Variants in AGTPBP1 observed in about 807,000 individuals in gnomAD.
AGTPBP1 encodes cytosolic carboxypeptidase 1.
A neutral mutation model predicts 143.9 loss-of-function variants in AGTPBP1; 70 were observed. The observed-to-expected ratio is 0.49, with a 90% CI of 0.40 to 0.59. The LOEUF (loss-of-function observed/expected upper bound fraction) is 0.59. Ranked by LOEUF, AGTPBP1 falls within the 20% of genes least tolerant of loss-of-function variation. AGTPBP1 has a pLI of 0.00. For synonymous variants in AGTPBP1, 463 were observed against 500.2 expected, an observed-to-expected ratio of 0.93 and a Z score of 0.99; for missense variants, 1,229 against 1,464.5, an observed-to-expected ratio of 0.84 and a Z score of 2.62.
intron 7 of AGTPBP1, among the ~76,000 whole-genome samples, chr9:85,671,740 T>C (rs568250664): frequency 6.6e-5 from 10 of 152,270 alleles, no homozygotes; most frequent in African/African-American, 2.2e-4. Flanking sequence ...AGAGTGTGTG[T>C]TTTGGGAGAC....
chr9:85,579,205 T>C (rs1828084857), intron 23 of AGTPBP1, 109 bp from the exon 24 acceptor site: 18 of 1,102,020 alleles, frequency 1.6e-5, no homozygotes, highest in Non-Finnish European at 2.3e-5. Flanking sequence ...CAAAGCCATG[T>C]GGATGTTCTA....
At chr9:85,725,475 G>T (rs914275073) in intron 1 of AGTPBP1, among the ~76,000 whole-genome samples, 11 of 152,040 alleles carry the variant, frequency 7.2e-5, no homozygotes, top group Admixed American at 6.5e-4. Flanking sequence ...CTACGCATAG[G>T]GGGAGGATGG....
At chr9:85,669,012 C>CAT (rs1293842339) in intron 8 of AGTPBP1, among the ~76,000 whole-genome samples, 1 of 45,546 alleles carries the variant, frequency 2.2e-5, no homozygotes, top group Non-Finnish European at 4.8e-5. Flanking sequence ...TGTGTGTATA[C>CAT]ATACACACAC....
chr9:85,779,297 A>C, the AGTPBP1 span, among the ~76,000 whole-genome samples: 1,406 of 151,034 alleles, frequency 9.3e-3, 22 homozygotes, highest in African/African-American at 0.029. Flanking sequence ...CTATATCTCT[A>C]TATATATAAA....
intron 11 of AGTPBP1, among the ~76,000 whole-genome samples, chr9:85,648,044 G>A (rs1832923807): frequency 6.6e-6 from 1 of 152,154 alleles, no homozygotes; most frequent in Non-Finnish European, 1.5e-5. Flanking sequence ...AAAATTCCAT[G>A]TTGTAGCAGG....
intron 14 of AGTPBP1, among the ~76,000 whole-genome samples, chr9:85,627,440 T>C (rs1831374176): frequency 1.3e-5 from 2 of 152,142 alleles, no homozygotes. Context: ...TAGTGTTACT[T>C]GGAGGAACAA....
intron 4 of AGTPBP1, among the ~76,000 whole-genome samples, chr9:85,680,153 A>G (rs1835082586): frequency 6.6e-6 from 1 of 152,208 alleles, no homozygotes; most frequent in Non-Finnish European, 1.5e-5. Flanking sequence ...CTCATGCATA[A>G]TTTCCAAACT....
intron 3 of AGTPBP1, among the ~76,000 whole-genome samples, chr9:85,690,657 G>T (rs990011053): frequency 6.6e-6 from 1 of 152,040 alleles, no homozygotes; most frequent in Non-Finnish European, 1.5e-5. Flanking sequence ...TTTCAGTGGT[G>T]GGAAGAGGGT....
chr9:85,702,747 G>A (rs1836750872), intron 2 of AGTPBP1, among the ~76,000 whole-genome samples: 1 of 151,542 alleles, frequency 6.6e-6, no homozygotes, highest in African/African-American at 2.4e-5. Flanking sequence ...CCTATAAAAA[G>A]ATGGGAGGTG....
At chr9:85,738,793 T>G (rs1824003490) in intron 1 of AGTPBP1, among the ~76,000 whole-genome samples, 1 of 152,054 alleles carries the variant, frequency 6.6e-6, no homozygotes, top group African/African-American at 2.4e-5. Flanking sequence ...AAGCTCTCAT[T>G]TAACCCCAAA....
intron 2 of AGTPBP1, among the ~76,000 whole-genome samples, chr9:85,708,125 A>G (rs976838742): frequency 6.6e-6 from 1 of 152,186 alleles, no homozygotes; most frequent in East Asian, 1.9e-4. Flanking sequence ...TCTGAGGGAG[A>G]ATCCATTTCC....
chr9:85,689,668 G>T, intron 3 of AGTPBP1, among the ~76,000 whole-genome samples: 1 of 151,764 alleles, frequency 6.6e-6, no homozygotes, highest in African/African-American at 2.4e-5. Context: ...GCCGAGACCG[G>T]CAGATCGCCT....
intron 25 of AGTPBP1, among the ~76,000 whole-genome samples, chr9:85,565,524 G>A (rs1239236258): frequency 6.6e-6 from 1 of 152,048 alleles, no homozygotes; most frequent in Non-Finnish European, 1.5e-5. Flanking sequence ...AAATTACAAG[G>A]ACAAAGAAGG....
the AGTPBP1 span, among the ~76,000 whole-genome samples, chr9:85,761,456 C>T: frequency 6.6e-6 from 1 of 152,158 alleles, no homozygotes; most frequent in Non-Finnish European, 1.5e-5. Context: ...GCAGAGCCCT[C>T]AGAAATAATA....
chr9:85,762,591 A>G, the AGTPBP1 span, among the ~76,000 whole-genome samples: 8 of 136,412 alleles, frequency 5.9e-5, no homozygotes, highest in Middle Eastern at 4.0e-3. Flanking sequence ...TGGACACAGG[A>G]AGGGGAACAT....
intron 2 of AGTPBP1, among the ~76,000 whole-genome samples, chr9:85,710,085 A>G (rs1837270829): frequency 6.6e-6 from 1 of 152,074 alleles, no homozygotes; most frequent in Non-Finnish European, 1.5e-5. Flanking sequence ...ACACTTCACT[A>G]TATACTGGTT....
chr9:85,630,065 T>C (rs1198417667), intron 14 of AGTPBP1, among the ~76,000 whole-genome samples: 1 of 152,224 alleles, frequency 6.6e-6, no homozygotes, highest in Non-Finnish European at 1.5e-5. Context: ...GCACTTAAAA[T>C]TCAGGAAGTG....
chr9:85,770,209 T>C, the AGTPBP1 span: 14 of 956,778 alleles, frequency 1.5e-5, no homozygotes, highest in Admixed American at 2.3e-5. Context: ...TCAAATAGTT[T>C]AGTAGTATCT....
At chr9:85,591,045 T>C (rs1339826299) in intron 19 of AGTPBP1, among the ~76,000 whole-genome samples, 1 of 152,140 alleles carries the variant, frequency 6.6e-6, no homozygotes, top group Non-Finnish European at 1.5e-5. Context: ...TTCACAGATA[T>C]TAACTGAGGA....
Sources: allele counts gnomAD v4.1 joint callset (sites outside exome capture counted in the v4.1 genomes callset), GRCh38; gene constraint gnomAD v4.1.1; transcripts MANE v1.5; gene names NCBI Gene and HGNC (gene_info 2026-07-23, HGNC 2026-07-21).